Variants in SNRNP70 observed in about 807,000 individuals in gnomAD.
The protein encoded by SNRNP70 is small nuclear ribonucleoprotein U1 subunit 70, also known as U1 small nuclear ribonucleoprotein 70 kDa.
SNRNP70 carries 8 observed loss-of-function variants against 50.5 expected under a neutral mutation model. That is an observed-to-expected ratio of 0.16 (90% CI 0.09 to 0.29). The LOEUF is 0.29. SNRNP70 is among the 10% of genes least tolerant of loss of function. The probability of loss-of-function intolerance (pLI) is 1.00; values close to 1 mark genes in which losing one functional copy is unlikely to be tolerated. For synonymous variants in SNRNP70, 320 were observed against 252.9 expected, an observed-to-expected ratio of 1.27 and a Z score of -2.52; for missense variants, 529 against 663.5, an observed-to-expected ratio of 0.80 and a Z score of 2.23.
At position 49,101,412 on chromosome 19, in the gene SNRNP70, G is replaced by A. The variant is rs781039219; in HGVS notation, c.416G>A (p.Arg139Gln). The A allele has an allele frequency of 1.1e-5, 18 of 1,613,864 alleles. No homozygotes were observed. Among genetic ancestry groups the A allele is most frequent in the East Asian group, 1.1e-4 (5 of 44,874 alleles). The change falls in exon 7 of 10, where the codon CGG becomes CAG. Residue 139 changes from arginine to glutamine, a missense_variant. Arg to Gln is a conservative substitution (Grantham distance 43). Transcript: ENST00000598441. Reference protein sequence around the residue: ...IKRIHMVYSKRSGKPRGYAFI... With the variant: ...IKRIHMVYSKQSGKPRGYAFI... The stretch of plus-strand genomic sequence containing the variant: ...CAGATACACATGGTCTACAGTAAGC[G>A]GTCAGGAAAGCCCCGTGGCTATGCC...
chr19:49,092,895 C>T (rs1000776656), intron 4 of SNRNP70, among the ~76,000 whole-genome samples: 1 of 139,668 alleles, frequency 7.2e-6, no homozygotes, highest in African/African-American at 2.5e-5. Flanking sequence ...CCATTGTGCT[C>T]AGCCTCTTTT....
intron 1 of SNRNP70, among the ~76,000 whole-genome samples, chr19:49,086,187 C>A (rs772507051): frequency 4.6e-5 from 7 of 152,200 alleles, no homozygotes; most frequent in Non-Finnish European, 8.8e-5. Flanking sequence ...GAACCCTTTT[C>A]CAGCCGTTAT....
rs2040700144 is a variant in SNRNP70, at chr19:49,108,052, A to C, written c.923A>C (p.Glu308Ala). The change falls in exon 10 of 10, where the codon GAG (glutamate) becomes GCG (alanine). Residue 308 changes from glutamate (E) to alanine (A), a missense_variant. Around this residue, in one of 4 missense-constraint regions of SNRNP70, gnomAD observed 327 missense variants for 308.8 expected, o/e 1.06. Coordinates refer to ENST00000598441, the MANE Select transcript of SNRNP70 (RefSeq NM_003089.6). ...RARRERERKE[E>A]LRGGGGDMAE... ...CGGCGGGAGCGGGAGCGCAAGGAGGAGCTGCGTGGCGGCGGTGGCGACATG... is the reference window on the plus strand; with the variant it reads ...CGGCGGGAGCGGGAGCGCAAGGAGGCGCTGCGTGGCGGCGGTGGCGACATG... The C allele has an allele frequency of 6.4e-7, 1 of 1,550,522 alleles. No individual in the cohort carries two copies.
rs1224921389 is a variant in SNRNP70 at position 49,085,552 on chromosome 19, C to G, written c.-95C>G. On this transcript the variant is annotated 5_prime_UTR_variant, in exon 1 of 10. Coordinates refer to ENST00000598441, the MANE Select transcript of SNRNP70 (RefSeq NM_003089.6). ...ACGTGGACGCCCCCGGAGTGGAAGC[C>G]GAAGCAGGAGTTGTTGTTGCTGAGG... is the stretch of plus-strand genomic sequence containing the variant. The G allele has an allele frequency of 2.2e-5, 10 of 455,896 alleles. No individual in the cohort carries two copies. Among genetic ancestry groups the G allele is most frequent in the Non-Finnish European group, 4.0e-5 (9 of 226,772 alleles). The allele number at this position is 455,896 out of a possible 1,614,324, so 28.2% of individuals were successfully genotyped here.
At position 49,100,283 on chromosome 19, in the gene SNRNP70, A is replaced by G. The variant is rs545311242; in HGVS notation, c.394-1107A>G. 9.2e-5 allele frequency among the ~76,000 whole-genome samples: 14 copies of G among 152,236 alleles called. No homozygotes were observed. In the South Asian group the frequency reaches 2.9e-3, roughly 32 times the overall value. On this transcript the variant is annotated intron_variant, in intron 6 of 9. Coordinates refer to ENST00000598441, the MANE Select transcript of SNRNP70 (RefSeq NM_003089.6). ...CTTTCTGACATCCAGAGCTGACCCC[A>G]TCTCTGCTGACAGCATCCCATGGGT...
chr19:49,097,437 C>T (rs1006596062), intron 4 of SNRNP70, among the ~76,000 whole-genome samples: 1 of 152,190 alleles, frequency 6.6e-6, no homozygotes, highest in Non-Finnish European at 1.5e-5. Flanking sequence ...GAACGCTAAG[C>T]ATGTGGGAGT....
intron 1 of SNRNP70, 140 bp downstream of exon 1, chr19:49,085,776 G>T: frequency 2.6e-6 from 1 of 390,378 alleles, no homozygotes; most frequent in Non-Finnish European, 5.2e-6. Flanking sequence ...CCCTTTCCCG[G>T]ACCCCGAAAT....
In SNRNP70 at chr19:49,104,799, T is replaced by C; in HGVS notation, c.577+64T>C. The C allele has an allele frequency of 9.9e-7, 1 of 1,011,996 alleles. No individual in the cohort carries two copies. The highest frequency in any genetic ancestry group is 1.4e-6 in the Non-Finnish European group (1 of 705,236). 62.7% of individuals were successfully genotyped at this position (1,011,996 alleles called of 1,614,324 possible). On this transcript the variant is annotated intron_variant, in intron 8 of 9. Transcript: ENST00000598441. This position sits in a 1 kb window ranked among gnomAD's most constrained non-coding sequence, Gnocchi z 5.4. ...TGGGCCTGGTGGCCTTGTTCTCCCT[T>C]CTCTGCTGCTTTCTGCTTCTCTGTC...
At chr19:49,093,689 A>AC (rs1346257818) in intron 4 of SNRNP70, among the ~76,000 whole-genome samples, 2 of 142,484 alleles carry the variant, frequency 1.4e-5, no homozygotes, top group South Asian at 2.3e-4. Context: ...AAAAAAAAAA[A>AC]AAACAAAAAA....
At chr19:49,101,627 T>TTA (rs1568421801) in intron 7 of SNRNP70, 156 bp downstream of exon 7, 14 of 611,400 alleles carry the variant, frequency 2.3e-5, no homozygotes, top group South Asian at 3.9e-5. Context: ...TTTTTTTTTT[T>TTA]TATATACGTG....
At chr19:49,097,716 A>T (rs557153345) in intron 4 of SNRNP70, among the ~76,000 whole-genome samples, 1 of 152,232 alleles carries the variant, frequency 6.6e-6, no homozygotes, top group African/African-American at 2.4e-5. Context: ...ACCCAGCAGG[A>T]TCACCTATGA....
In SNRNP70 at chr19:49,090,506, C is replaced by A. The variant is rs1190834721; in HGVS notation, c.251C>A (p.Thr84Lys). The change falls in exon 4 of 10, where the codon ACA becomes AAA. Residue 84 changes from threonine (T) to lysine (K), a missense_variant. Thr to Lys is a moderately conservative substitution (Grantham distance 78, BLOSUM62 -1). Around this residue, in one of 4 missense-constraint regions of SNRNP70, gnomAD observed 149 missense variants for 259.7 expected, o/e 0.57. Transcript: ENST00000598441. ...KIERRQQEVETELKMWDPHND... is the reference protein window; with the variant it reads ...KIERRQQEVEKELKMWDPHND... ...GAGCGGCGACAGCAAGAAGTGGAGA[C>A]AGAGCTTAAAATGTGTAAGTCTCTC... The A allele has an allele frequency of 2.5e-6, 4 of 1,614,112 alleles. No homozygotes were observed. Among genetic ancestry groups the A allele is most frequent in the Non-Finnish European group, 3.4e-6 (4 of 1,179,984 alleles).
intron 7 of SNRNP70, chr19:49,102,063 G>C: frequency 8.1e-6 from 8 of 989,676 alleles, no homozygotes; most frequent in Non-Finnish European, 1.1e-5. Flanking sequence ...GCAGGGCTGC[G>C]GCGTGTCCAG....
In SNRNP70 at chr19:49,095,023, G is replaced by A. The variant is rs74436870; in HGVS notation, c.266-3404G>A. On this transcript the variant is annotated intron_variant, in intron 4 of 9. Coordinates refer to ENST00000598441, the MANE Select transcript of SNRNP70 (RefSeq NM_003089.6). ...CCTGAGGGAGAGCTGCCGTCAGGGCGCTGCACGCATACGCTGGCTGTGGGG... is the reference window on the plus strand; with the variant it reads ...CCTGAGGGAGAGCTGCCGTCAGGGCACTGCACGCATACGCTGGCTGTGGGG... Among the ~76,000 whole-genome samples, 1,421 of 152,370 alleles carry A rather than the reference G, an allele frequency of 9.3e-3. 29 individuals are homozygous for A. Among genetic ancestry groups the A allele is most frequent in the Middle Eastern group, 0.034 (10 of 294 alleles).
At chr19:49,091,607 C>T (rs2040448177) in intron 4 of SNRNP70, among the ~76,000 whole-genome samples, 2 of 152,174 alleles carry the variant, frequency 1.3e-5, no homozygotes, top group African/African-American at 4.8e-5. Context: ...AAACGACGCA[C>T]TTCTCAGAAC....
Position 49,104,561 on chromosome 19 carries a change from A to C in SNRNP70, c.476-73A>C. 3.2e-5 allele frequency: 36 copies of C among 1,132,794 alleles called. No individual in the cohort carries two copies. The highest frequency in any genetic ancestry group is 4.3e-5 in the Non-Finnish European group (33 of 768,904). The allele number at this position is 1,132,794 out of a possible 1,614,324, so 70.2% of individuals were successfully genotyped here. On this transcript the variant is annotated intron_variant, in intron 7 of 9. Transcript: ENST00000598441. The surrounding 1 kb of genome is among the most constrained non-coding windows in gnomAD (Gnocchi z 5.4). Reference sequence around the variant, plus strand: ...TGGGGACACGGGGCGGGGATTCTGTAGAGCTGGGCCTGTCCTGACTAGAGG... The same window carrying C: ...TGGGGACACGGGGCGGGGATTCTGTCGAGCTGGGCCTGTCCTGACTAGAGG...
At chr19:49,089,814 C>G (rs1300139407) in intron 2 of SNRNP70, among the ~76,000 whole-genome samples, 1 of 151,720 alleles carries the variant, frequency 6.6e-6, no homozygotes, top group East Asian at 2.0e-4. Flanking sequence ...AGGCGCCCAC[C>G]ACCACGCCCG....
intron 6 of SNRNP70, among the ~76,000 whole-genome samples, chr19:49,100,695 A>G (rs1286466810): frequency 2.6e-5 from 4 of 151,490 alleles, no homozygotes; most frequent in African/African-American, 7.3e-5. Flanking sequence ...AATCCCAGCT[A>G]CTTGGGAGGC....
intron 4 of SNRNP70, among the ~76,000 whole-genome samples, chr19:49,092,789 C>T (rs550450070): frequency 7.2e-5 from 11 of 151,838 alleles, no homozygotes; most frequent in East Asian, 1.9e-4. Context: ...AAAACTGAGA[C>T]GGGGTCTCAC....
Sources: allele counts gnomAD v4.1 joint callset (sites outside exome capture counted in the v4.1 genomes callset), GRCh38; gene constraint gnomAD v4.1.1; regional missense constraint gnomAD v4.1.1; non-coding constraint Gnocchi (gnomAD v3.1); transcripts MANE v1.5; gene names NCBI Gene and HGNC (gene_info 2026-07-23, HGNC 2026-07-21).